Variants in KYAT3 observed in about 807,000 individuals in gnomAD.
KYAT3 encodes kynurenine--oxoglutarate transaminase 3.
Under a neutral mutation model 59.0 loss-of-function variants are expected in KYAT3, and 50 were observed. That is an observed-to-expected ratio of 0.85 (90% CI 0.68 to 1.07). The LOEUF (loss-of-function observed/expected upper bound fraction) is 1.07. Ranked by LOEUF, KYAT3 falls within the 50% of genes least tolerant of loss-of-function variation. The pLI, the probability that KYAT3 is intolerant of heterozygous loss-of-function variation, is 0.00. For synonymous variants in KYAT3, 148 were observed against 177.0 expected (o/e 0.84, Z 1.30); for missense variants, 497 against 533.3 (o/e 0.93, Z 0.67).
chr1:88,949,671 A>G (rs1217643300), intron 10 of KYAT3, among the ~76,000 whole-genome samples: 1 of 152,228 alleles, frequency 6.6e-6, no homozygotes, highest in Non-Finnish European at 1.5e-5. Flanking sequence ...TTGGGGACAG[A>G]GTGGAAATGA....
Position 88,961,198 on chromosome 1 carries a change from A to G in KYAT3, c.756T>C (p.Leu252=), listed in dbSNP as rs754920480. 16 of 1,613,656 alleles carry G rather than the reference A, an allele frequency of 9.9e-6. No individual in the cohort carries two copies. In the South Asian group the frequency reaches 1.6e-4, roughly 17 times the overall value. The change falls in exon 8 of 14, where the codon CTT becomes CTC. Residue 252 remains leucine, a synonymous_variant. Coordinates refer to ENST00000260508, the MANE Select transcript of KYAT3 (RefSeq NM_001008661.3). ...LCISDEVYEW[L]VYSGNKHLKI... ...TTAAGTGCTTATTTCCAGAATATAC[A>G]AGCCATTCATAAACCTCATCGCTGA...
downstream of KYAT3, among the ~76,000 whole-genome samples, chr1:88,932,977 C>T (rs1255010801): frequency 6.6e-6 from 1 of 152,126 alleles, no homozygotes; most frequent in Middle Eastern, 3.2e-3. Context: ...AAATGCCAGG[C>T]ACCCTCCTGT....
intron 2 of KYAT3, among the ~76,000 whole-genome samples, chr1:88,976,758 T>C (rs1676803496): frequency 6.6e-6 from 1 of 152,194 alleles, no homozygotes; most frequent in Admixed American, 6.5e-5. Flanking sequence ...TAGAACACAG[T>C]GATACTGATG....
chr1:88,921,860 C>G, the KYAT3 span, among the ~76,000 whole-genome samples: 1 of 152,122 alleles, frequency 6.6e-6, no homozygotes, highest in Admixed American at 6.6e-5. Flanking sequence ...CTATTTAGAC[C>G]TTCAACTCAC....
chr1:88,975,318 AT>A (rs575226787), intron 2 of KYAT3, among the ~76,000 whole-genome samples: 162 of 152,226 alleles, frequency 1.1e-3, no homozygotes, highest in African/African-American at 3.6e-3. Flanking sequence ...TGCCTGGCTA[AT>A]TTTTTGTATT....
intron 2 of KYAT3, chr1:88,981,886 A>G (rs1055963292): frequency 8.5e-6 from 7 of 823,846 alleles, no homozygotes; most frequent in African/African-American, 1.9e-5. Context: ...TTTGCAATCA[A>G]GCTGTTCCTT....
intron 11 of KYAT3, among the ~76,000 whole-genome samples, chr1:88,946,264 C>G (rs1490277797): frequency 2.6e-5 from 4 of 152,032 alleles, no homozygotes; most frequent in African/African-American, 7.2e-5. Flanking sequence ...ATGCTAATTA[C>G]AATACTATGT....
chr1:88,961,345 G>A (rs1002025948), intron 7 of KYAT3, 36 bp downstream of exon 7: 18 of 1,613,470 alleles, frequency 1.1e-5, no homozygotes, highest in Admixed American at 3.3e-5. Context: ...AAAATGATAG[G>A]TCAGAAGACT....
intron 2 of KYAT3, chr1:88,979,738 C>T (rs1676983375): frequency 6.6e-6 from 1 of 152,160 alleles, no homozygotes; most frequent in African/African-American, 2.4e-5. Context: ...AGGGTATAGC[C>T]CCTTTGGAAA....
intron 2 of KYAT3, chr1:88,983,316 C>CT: frequency 6.2e-7 from 1 of 1,614,134 alleles, no homozygotes; most frequent in Non-Finnish European, 8.5e-7. Flanking sequence ...CTGCTGCGAA[C>CT]TAGTCCTGAA....
chr1:88,927,994 T>G, the KYAT3 span, among the ~76,000 whole-genome samples: 10 of 152,288 alleles, frequency 6.6e-5, no homozygotes, highest in Admixed American at 1.3e-4. Context: ...CAGTTCCCAC[T>G]GTAGACCTTC....
intron 2 of KYAT3, among the ~76,000 whole-genome samples, chr1:88,970,406 A>C (rs1676510276): frequency 6.6e-6 from 1 of 152,198 alleles, no homozygotes; most frequent in African/African-American, 2.4e-5. Context: ...ACAACTTTTC[A>C]CATCTGCTCA....
At chr1:88,984,064 T>C (rs1053120206) in intron 2 of KYAT3, 1 of 587,990 alleles carries the variant, frequency 1.7e-6, no homozygotes, top group Non-Finnish European at 3.1e-6. Context: ...CAACAGAATG[T>C]TCCTGTAATG....
chr1:88,984,698 G>T (rs1677341028), intron 2 of KYAT3, among the ~76,000 whole-genome samples: 1 of 152,190 alleles, frequency 6.6e-6, no homozygotes, highest in Non-Finnish European at 1.5e-5. Context: ...AGAAAACTAT[G>T]CACTGGCCAC....
the KYAT3 span, among the ~76,000 whole-genome samples, chr1:88,927,825 C>T: frequency 6.6e-6 from 1 of 152,290 alleles, no homozygotes; most frequent in East Asian, 1.9e-4. Flanking sequence ...TTTGATTTGA[C>T]ATGGAGAGAT....
intron 2 of KYAT3, among the ~76,000 whole-genome samples, chr1:88,977,838 CTT>C (rs1676863462): frequency 6.6e-6 from 1 of 152,014 alleles, no homozygotes; most frequent in Admixed American, 6.6e-5. Flanking sequence ...TTTACTGTAC[CTT>C]TTCTATGTTT....
chr1:88,949,631 CAG>C (rs1325702502), intron 10 of KYAT3, among the ~76,000 whole-genome samples: 1 of 152,158 alleles, frequency 6.6e-6, no homozygotes, highest in East Asian at 1.9e-4. Context: ...GAAGAACAAC[CAG>C]AGAGTAGTCA....
chr1:88,987,430 A>C (rs1320156945), intron 2 of KYAT3, among the ~76,000 whole-genome samples: 1 of 152,212 alleles, frequency 6.6e-6, no homozygotes, highest in Non-Finnish European at 1.5e-5. Context: ...TTTTATGAAA[A>C]TTTTAAACCA....
In KYAT3 at chr1:88,984,572, C is replaced by T. The variant is rs542024400; in HGVS notation, c.99+3680G>A. 9.8e-5 allele frequency among the ~76,000 whole-genome samples: 15 copies of T among 152,300 alleles called. No individual in the cohort carries two copies. In the South Asian group the frequency reaches 2.9e-3, roughly 29 times the overall value. ...TTATTTTATAAAGAATTATTTGTGCCTGATACGCTGTAGCTATTTAACATC... is the reference window on the plus strand; with the variant it reads ...TTATTTTATAAAGAATTATTTGTGCTTGATACGCTGTAGCTATTTAACATC... On this transcript the variant is annotated intron_variant, in intron 2 of 13. Transcript: ENST00000260508.
Sources: allele counts gnomAD v4.1 joint callset (sites outside exome capture counted in the v4.1 genomes callset), GRCh38; gene constraint gnomAD v4.1.1; transcripts MANE v1.5; gene names NCBI Gene and HGNC (gene_info 2026-07-23, HGNC 2026-07-21).